Variants in TENM4 observed in about 807,000 individuals in gnomAD.
TENM4 encodes the protein teneurin-4.
TENM4 carries 82 observed loss-of-function variants against 243.3 expected under a neutral mutation model. The ratio of observed to expected loss-of-function variants is 0.34; its 90% CI spans 0.28 to 0.40. TENM4 has a LOEUF of 0.40. Among genes scored for constraint, TENM4 ranks in the 10% least tolerant of loss-of-function variants. The pLI is 1.00. For synonymous variants in TENM4, 1,412 were observed against 1,456.3 expected, an observed-to-expected ratio of 0.97 and a Z score of 0.69; for missense variants, 3,138 against 3,673.3, an observed-to-expected ratio of 0.85 and a Z score of 3.77.
intron 1 of TENM4, among the ~76,000 whole-genome samples, chr11:79,343,844 G>C (rs1468067448): frequency 6.6e-6 from 1 of 152,216 alleles, no homozygotes; most frequent in Non-Finnish European, 1.5e-5. Flanking sequence ...AGGCAGGGCT[G>C]CTTCCCCAGG....
At chr11:78,760,297 G>T (rs1856400735) in intron 18 of TENM4, among the ~76,000 whole-genome samples, 1 of 152,190 alleles carries the variant, frequency 6.6e-6, no homozygotes. Flanking sequence ...GTGATCGGTG[G>T]CCATATGGTG....
chr11:78,857,945 A>C (rs1253980772), intron 10 of TENM4, among the ~76,000 whole-genome samples: 1 of 152,254 alleles, frequency 6.6e-6, no homozygotes, highest in Non-Finnish European at 1.5e-5. Context: ...GAAACAAAGC[A>C]GATGCCTTCT....
chr11:79,024,903 C>T (rs1859034848), intron 6 of TENM4, among the ~76,000 whole-genome samples: 1 of 152,192 alleles, frequency 6.6e-6, no homozygotes, highest in Non-Finnish European at 1.5e-5. Flanking sequence ...TTGATTCTTA[C>T]CCGGGGCTCT....
intron 2 of TENM4, among the ~76,000 whole-genome samples, chr11:79,256,011 T>C (rs547109543): frequency 6.6e-6 from 1 of 152,280 alleles, no homozygotes; most frequent in Non-Finnish European, 1.5e-5. Context: ...GGAATTCTTT[T>C]CCCTTTGACT....
intron 3 of TENM4, among the ~76,000 whole-genome samples, chr11:79,153,954 C>G (rs1397930856): frequency 6.6e-6 from 1 of 152,068 alleles, no homozygotes; most frequent in African/African-American, 2.4e-5. Context: ...GGACAAGAAC[C>G]CCAAACTCAC....
chr11:79,239,527 G>T (rs12273933), intron 2 of TENM4, among the ~76,000 whole-genome samples: 57,453 of 151,926 alleles, frequency 0.38, 11,172 homozygotes, highest in East Asian at 0.55. Context: ...CTGGATGCAT[G>T]AACTCAAGGG....
At chr11:79,235,356 T>C (rs531105819) in intron 2 of TENM4, among the ~76,000 whole-genome samples, 26 of 152,134 alleles carry the variant, frequency 1.7e-4, no homozygotes, top group Non-Finnish European at 2.8e-4. Context: ...TCCAGTCAAA[T>C]TCTGAGAGAC....
chr11:79,099,900 G>A (rs937812136), intron 4 of TENM4, among the ~76,000 whole-genome samples: 1 of 152,158 alleles, frequency 6.6e-6, no homozygotes, highest in Non-Finnish European at 1.5e-5. Flanking sequence ...TAACAGCTGT[G>A]GAGCTTTTTG....
In TENM4 at chr11:79,013,402, T is replaced by A. The variant is rs558682858; in HGVS notation, c.493+51336A>T. Among the ~76,000 whole-genome samples, 8 of 152,378 alleles carry A rather than the reference T, an allele frequency of 5.3e-5. No individual in the cohort carries two copies. In the South Asian group the frequency reaches 1.7e-3, roughly 32 times the overall value. On this transcript the variant is annotated intron_variant, in intron 6 of 33. Transcript: ENST00000278550. ...TTAATCCCCTTAAGTCTTTCTATGC[T>A]GCTTATCAGACTTGTCCTGTTGTTA...
intron 4 of TENM4, among the ~76,000 whole-genome samples, chr11:79,109,477 C>A (rs2137100022): frequency 6.6e-6 from 1 of 152,190 alleles, no homozygotes. Context: ...AGCAAGCAGG[C>A]CAAGGTGCAG....
chr11:78,968,654 C>T (rs1262369306), intron 6 of TENM4, among the ~76,000 whole-genome samples: 1 of 152,210 alleles, frequency 6.6e-6, no homozygotes, highest in Non-Finnish European at 1.5e-5. Flanking sequence ...GGAACGGGCC[C>T]AGATTCTTCA....
rs550081377 is a variant in TENM4, at chr11:79,164,583, C to CAT, written c.-162-15779_-162-15778dup. Among the ~76,000 whole-genome samples the CAT allele has an allele frequency of 1.4e-3, 175 of 124,184 alleles. 1 individual carries two copies. The highest frequency in any genetic ancestry group is 5.5e-3 in the African/African-American group (167 of 30,136). The allele number at this position is 124,184 out of a possible 152,430, so 81.5% of individuals were successfully genotyped here. A position where few individuals can be genotyped will look rare whatever the true frequency, so the allele number is the denominator to read the frequency against. ...ATATATACTATATACTATATATATA[C>CAT]ATATATATATCTATATAGTACGGTT... On this transcript the variant is annotated intron_variant, in intron 3 of 33. Coordinates refer to ENST00000278550, the MANE Select transcript of TENM4 (RefSeq NM_001098816.3).
intron 9 of TENM4, among the ~76,000 whole-genome samples, chr11:78,887,455 G>A (rs1235171779): frequency 1.3e-5 from 2 of 152,188 alleles, no homozygotes; most frequent in Non-Finnish European, 2.9e-5. Flanking sequence ...TTTAAGCTAC[G>A]AATACCTCAA....
intron 1 of TENM4, among the ~76,000 whole-genome samples, chr11:79,354,901 G>A (rs577239109): frequency 2.5e-4 from 38 of 152,320 alleles, no homozygotes; most frequent in South Asian, 1.7e-3. Flanking sequence ...CAGTGTGTTG[G>A]TAGGTTATGA....
intron 3 of TENM4, among the ~76,000 whole-genome samples, chr11:79,194,854 G>C (rs763034885): frequency 2.6e-5 from 4 of 152,318 alleles, no homozygotes; most frequent in Admixed American, 1.3e-4. Context: ...TAATCCCCAA[G>C]ACCATGGGAA....
At chr11:78,976,045 C>A (rs78541076) in intron 6 of TENM4, among the ~76,000 whole-genome samples, 1 of 152,138 alleles carries the variant, frequency 6.6e-6, no homozygotes, top group Non-Finnish European at 1.5e-5. Flanking sequence ...CACATGCTTC[C>A]GACTAAAATA....
chr11:78,995,972 G>T (rs774681378), intron 6 of TENM4, among the ~76,000 whole-genome samples: 4 of 152,146 alleles, frequency 2.6e-5, no homozygotes, highest in Non-Finnish European at 5.9e-5. Context: ...CCTAAACTGA[G>T]ATCGCTTATG....
chr11:79,247,276 G>T (rs1416488278), intron 2 of TENM4, among the ~76,000 whole-genome samples: 1 of 151,966 alleles, frequency 6.6e-6, no homozygotes, highest in Non-Finnish European at 1.5e-5. Flanking sequence ...AATTAGCCGG[G>T]CATGGTGGCA....
At chr11:79,049,272 C>A (rs1452937545) in intron 6 of TENM4, among the ~76,000 whole-genome samples, 1 of 152,200 alleles carries the variant, frequency 6.6e-6, no homozygotes, top group African/African-American at 2.4e-5. Context: ...CACGGCTCTT[C>A]CCCCCTACTC....
Sources: gnomAD v4.1 joint callset for allele counts (sites outside exome capture counted in the v4.1 genomes callset) on GRCh38, gnomAD v4.1.1 for gene constraint, MANE v1.5 for transcripts, NCBI Gene and HGNC (gene_info 2026-07-23, HGNC 2026-07-21) for gene names.